The following FBXW2 variants were observed in gnomAD, a reference collection of about 807,000 sequenced individuals.
The protein encoded by FBXW2 is F-box/WD repeat-containing protein 2.
A neutral mutation model predicts 46.0 loss-of-function variants in FBXW2; 12 were observed. The ratio of observed to expected loss-of-function variants is 0.26; its 90% CI spans 0.17 to 0.42. The LOEUF is 0.42. FBXW2 is among the 10% of genes least tolerant of loss of function. The pLI is 1.00. For missense variants in FBXW2, 360 were observed against 537.0 expected (o/e 0.67, Z 3.26); for synonymous variants, 203 against 209.6 (o/e 0.97, Z 0.27).
intron 5 of FBXW2, among the ~76,000 whole-genome samples, chr9:120,773,453 C>G (rs1026822234): frequency 3.3e-5 from 5 of 152,168 alleles, no homozygotes; most frequent in African/African-American, 1.2e-4. Context: ...TAAACTCGGT[C>G]AGTTTCTTGA....
At chr9:120,767,134 A>G (rs190501245) in intron 7 of FBXW2, among the ~76,000 whole-genome samples, 2 of 152,362 alleles carry the variant, frequency 1.3e-5, no homozygotes, top group African/African-American at 4.8e-5. Context: ...ATATAGATAG[A>G]ATACGGAAAG....
At position 120,762,795 on chromosome 9, in the gene FBXW2, G is replaced by A. The variant is rs1170568542; in HGVS notation, c.*1764C>T. On this transcript the variant is annotated 3_prime_UTR_variant, in exon 8 of 8. Transcript: ENST00000608872. The stretch of plus-strand genomic sequence containing the variant: ...GAATAACTCATGTTCCCAGACATAA[G>A]CTGTCACTGAGGTTCCAATTCTTAT... The A allele has an allele frequency of 2.0e-5, 3 of 152,232 alleles. No homozygotes were observed. Among genetic ancestry groups the A allele is most frequent in the Non-Finnish European group, 2.9e-5 (2 of 68,040 alleles). The allele number at this position is 152,232 out of a possible 1,614,324, so 9.4% of individuals were successfully genotyped here. A position where few individuals can be genotyped will look rare whatever the true frequency, so the allele number is the denominator to read the frequency against.
rs1361409149 is a variant in FBXW2, at chr9:120,764,174, T to C, written c.*385A>G. 7.7e-6 allele frequency: 3 copies of C among 390,576 alleles called. No homozygotes were observed. The highest frequency in any genetic ancestry group is 1.4e-5 in the Non-Finnish European group (3 of 221,652). The allele number at this position is 390,576 out of a possible 1,614,324, so 24.2% of individuals were successfully genotyped here. On this transcript the variant is annotated 3_prime_UTR_variant, in exon 8 of 8. Transcript: ENST00000608872. The stretch of plus-strand genomic sequence containing the variant: ...TCAACTTCAAAAGAAAAAAAGGCTA[T>C]GGTAAAAAGCTTTAATAACAGACAA...
At position 120,760,821 on chromosome 9, in the gene FBXW2, T is replaced by C. The variant is rs1003824432; in HGVS notation, c.*3738A>G. ...AAAATGCCTAATACAAACAATTTCCTCATGTCTAAAATACTGTTTCCGAAA... is the reference window on the plus strand; with the variant it reads ...AAAATGCCTAATACAAACAATTTCCCCATGTCTAAAATACTGTTTCCGAAA... On this transcript the variant is annotated 3_prime_UTR_variant, in exon 8 of 8. Coordinates refer to ENST00000608872, the MANE Select transcript of FBXW2 (RefSeq NM_012164.4). 3.3e-5 allele frequency: 5 copies of C among 152,174 alleles called. No individual in the cohort carries two copies. Among genetic ancestry groups the C allele is most frequent in the African/African-American group, 1.2e-4 (5 of 41,438 alleles). 9.4% of individuals were successfully genotyped at this position (152,174 alleles called of 1,614,324 possible).
In FBXW2 at chr9:120,758,111, A is replaced by G. The variant is rs1478963527; in HGVS notation, c.*6448T>C. ...CTGAGAATCAAGGATGAAAGTTAAT[A>G]GTTGTCTACTGCAAAAGGTACAACA... On this transcript the variant is annotated 3_prime_UTR_variant, in exon 8 of 8. Coordinates refer to ENST00000608872, the MANE Select transcript of FBXW2 (RefSeq NM_012164.4). 2 of 152,230 alleles carry G rather than the reference A, an allele frequency of 1.3e-5. No homozygotes were observed. The highest frequency in any genetic ancestry group is 2.9e-5 in the Non-Finnish European group (2 of 68,042). 9.4% of individuals were successfully genotyped at this position (152,230 alleles called of 1,614,324 possible).
intron 3 of FBXW2, among the ~76,000 whole-genome samples, chr9:120,782,259 A>G (rs2044631413): frequency 6.6e-6 from 1 of 151,560 alleles, no homozygotes; most frequent in Non-Finnish European, 1.5e-5. Flanking sequence ...TGAGGTCAGG[A>G]GTTTGAGACC....
At position 120,764,851 on chromosome 9, in the gene FBXW2, C is replaced by A. The variant is rs2044246430; in HGVS notation, c.1077-4G>T. ...TATCTCAGGAGTCTTGATGACCCTA[C>A]AAGGATGAGAGTTAGGGACTGTGAA... On this transcript the variant is annotated splice_polypyrimidine_tract_variant and splice_region_variant and intron_variant, in intron 7 of 7. Coordinates refer to ENST00000608872, the MANE Select transcript of FBXW2 (RefSeq NM_012164.4). The A allele has an allele frequency of 2.6e-6, 4 of 1,568,134 alleles. No individual in the cohort carries two copies. The African/African-American group carries it at 5.4e-5, about 21-fold the overall frequency.
At position 120,793,365 on chromosome 9, in the gene FBXW2, G is replaced by A. The variant is rs1046544983; in HGVS notation, c.-141C>T. 1.5e-5 allele frequency: 6 copies of A among 401,142 alleles called. No individual in the cohort carries two copies. Among genetic ancestry groups the A allele is most frequent in the African/African-American group, 1.2e-4 (6 of 48,628 alleles). The allele number at this position is 401,142 out of a possible 1,614,324, so 24.8% of individuals were successfully genotyped here. On this transcript the variant is annotated 5_prime_UTR_variant, in exon 1 of 8. Transcript: ENST00000608872. ...CCTCGCATACAGACCCGGACCTGCG[G>A]CCGCTGCTCCCGGTCCGCAGCCTCA...
intron 4 of FBXW2, chr9:120,776,786 T>C (rs1378785964): frequency 1.3e-5 from 2 of 152,330 alleles, no homozygotes; most frequent in Non-Finnish European, 2.9e-5. Context: ...AGCTGTATAG[T>C]GTGTACTCAA....
rs2044763839 is a variant in FBXW2, at chr9:120,788,261, G to C, written c.-3C>G. 1 of 1,611,724 alleles carries C rather than the reference G, an allele frequency of 6.2e-7. No homozygotes were observed. Among genetic ancestry groups the C allele is most frequent in the African/African-American group, 1.3e-5 (1 of 74,784 alleles). On this transcript the variant is annotated 5_prime_UTR_variant, in exon 3 of 8. Transcript: ENST00000608872. ...GTCTCAAAGTCCTTTCTCTCCATAAGGTTATGGAAAAATTTACCTGTGGCA... is the reference window on the plus strand; with the variant it reads ...GTCTCAAAGTCCTTTCTCTCCATAACGTTATGGAAAAATTTACCTGTGGCA...
chr9:120,769,532 A>G (rs1172879229), intron 7 of FBXW2, among the ~76,000 whole-genome samples: 3 of 152,246 alleles, frequency 2.0e-5, no homozygotes, highest in Non-Finnish European at 2.9e-5. Flanking sequence ...CAACTATGAC[A>G]TCTCTAGCCC....
chr9:120,781,439 T>C (rs914028822), intron 3 of FBXW2, among the ~76,000 whole-genome samples: 3 of 152,082 alleles, frequency 2.0e-5, no homozygotes, highest in African/African-American at 7.2e-5. Flanking sequence ...GACTGCGAAA[T>C]AGTGGCAAGG....
intron 7 of FBXW2, among the ~76,000 whole-genome samples, chr9:120,768,014 T>C (rs2044305825): frequency 6.6e-6 from 1 of 152,214 alleles, no homozygotes; most frequent in Non-Finnish European, 1.5e-5. Flanking sequence ...ATCACCTTGT[T>C]TCAACTTCTA....
At chr9:120,784,322 G>C (rs903381149) in intron 3 of FBXW2, among the ~76,000 whole-genome samples, 32 of 152,132 alleles carry the variant, frequency 2.1e-4, no homozygotes, top group Non-Finnish European at 3.5e-4. Context: ...ACTTTTTAAA[G>C]CAAGAGGACC....
rs2044203760 is a variant in FBXW2 at position 120,762,054 on chromosome 9, A to G, written c.*2505T>C. On this transcript the variant is annotated 3_prime_UTR_variant, in exon 8 of 8. Coordinates refer to ENST00000608872, the MANE Select transcript of FBXW2 (RefSeq NM_012164.4). The stretch of plus-strand genomic sequence containing the variant: ...TGTTCAGGCTCGATAAAAAGTAAAA[A>G]CTCGGCCAGGCGTGGTGGCTCACGC... The G allele has an allele frequency of 6.6e-6, 1 of 151,992 alleles. No homozygotes were observed. Among genetic ancestry groups the G allele is most frequent in the South Asian group, 2.1e-4 (1 of 4,812 alleles). The allele number at this position is 151,992 out of a possible 1,614,324, so 9.4% of individuals were successfully genotyped here.
intron 5 of FBXW2, 89 bp from the exon 6 acceptor site, chr9:120,772,929 T>C: frequency 1.1e-6 from 1 of 910,362 alleles, no homozygotes; most frequent in Non-Finnish European, 1.7e-6. Flanking sequence ...AAAAATGAGC[T>C]TAACATATGC....
chr9:120,774,535 CTTCT>C (rs1446520725), intron 5 of FBXW2, among the ~76,000 whole-genome samples: 2 of 152,090 alleles, frequency 1.3e-5, no homozygotes, highest in African/African-American at 4.8e-5. Flanking sequence ...ACAAATGATT[CTTCT>C]TTGTTTCCCA....
chr9:120,784,409 C>T (rs995188801), intron 3 of FBXW2, among the ~76,000 whole-genome samples: 3 of 151,664 alleles, frequency 2.0e-5, no homozygotes, highest in South Asian at 2.1e-4. Context: ...CCCAGGAGTT[C>T]GAGACCAGCC....
chr9:120,782,418 T>C (rs972482702), intron 3 of FBXW2, among the ~76,000 whole-genome samples: 20 of 151,962 alleles, frequency 1.3e-4, no homozygotes, highest in South Asian at 6.2e-4. Context: ...TGAGCCAAAA[T>C]TGAGCCACTG....
Sources: gnomAD v4.1 joint callset for allele counts (sites outside exome capture counted in the v4.1 genomes callset) on GRCh38, gnomAD v4.1.1 for gene constraint, MANE v1.5 for transcripts, NCBI Gene and HGNC (gene_info 2026-07-23, HGNC 2026-07-21) for gene names.